EYS: variants seen among roughly 807,000 people sequenced by gnomAD.
EYS encodes EGF-like photoreceptor maintenance factor.
Under a neutral mutation model 282.1 loss-of-function variants are expected in EYS, and 250 were observed. The ratio of observed to expected loss-of-function variants is 0.89; its 90% CI spans 0.80 to 0.98. EYS has a LOEUF of 0.98. Ranked by LOEUF, EYS falls within the 50% of genes least tolerant of loss-of-function variation. The pLI, the probability that EYS is intolerant of heterozygous loss-of-function variation, is 0.00. For synonymous variants in EYS, 1,355 were observed against 1,282.9 expected (o/e 1.06, Z -1.20); for missense variants, 4,016 against 3,709.0 (o/e 1.08, Z -2.15).
At chr6:65,177,506 C>T (rs771669223) in intron 12 of EYS, among the ~76,000 whole-genome samples, 4 of 151,726 alleles carry the variant, frequency 2.6e-5, no homozygotes, top group South Asian at 2.1e-4. Context: ...TTTGTAAACA[C>T]GTTTAGCTAT....
chr6:64,750,420 T>TAAAAAA (rs5876920), intron 22 of EYS, among the ~76,000 whole-genome samples: 4 of 146,974 alleles, frequency 2.7e-5, no homozygotes, highest in African/African-American at 2.5e-5. Flanking sequence ...AGAGGGAAAG[T>TAAAAAA]AAAAAAAAAA....
intron 8 of EYS, among the ~76,000 whole-genome samples, chr6:65,383,461 T>C (rs1196054147): frequency 1.3e-5 from 2 of 151,944 alleles, no homozygotes; most frequent in Admixed American, 1.3e-4. Context: ...TTAGTTCTAC[T>C]TTTTAATTTT....
intron 12 of EYS, among the ~76,000 whole-genome samples, chr6:65,089,944 A>C (rs750086110): frequency 2.1e-4 from 18 of 87,652 alleles, no homozygotes; most frequent in Non-Finnish European, 3.1e-4. Context: ...GCAAGAAAGC[A>C]AAAAAAAAAA....
At chr6:64,632,902 T>C (rs1044662899) in intron 22 of EYS, among the ~76,000 whole-genome samples, 2 of 152,170 alleles carry the variant, frequency 1.3e-5, no homozygotes, top group East Asian at 3.9e-4. Context: ...TATTTTAAAC[T>C]CATTTCATTG....
intron 41 of EYS, among the ~76,000 whole-genome samples, chr6:63,732,555 T>C (rs1768808118): frequency 6.6e-6 from 1 of 152,232 alleles, no homozygotes. Context: ...GAGGTGGACA[T>C]ACCAGTGATT....
intron 33 of EYS, among the ~76,000 whole-genome samples, chr6:64,014,350 CTTAACA>C (rs1296197008): frequency 6.6e-5 from 10 of 151,706 alleles, no homozygotes; most frequent in Non-Finnish European, 1.3e-4. Context: ...ATAAAATTGC[CTTAACA>C]TTAAGTATGT....
chr6:64,724,168 C>G (rs1046621971), intron 22 of EYS, among the ~76,000 whole-genome samples: 1 of 151,934 alleles, frequency 6.6e-6, no homozygotes, highest in East Asian at 1.9e-4. Context: ...CTGATTTAAG[C>G]GATTGTAGGT....
At chr6:64,718,976 C>G (rs1029317942) in intron 22 of EYS, among the ~76,000 whole-genome samples, 2 of 152,018 alleles carry the variant, frequency 1.3e-5, no homozygotes, top group African/African-American at 4.8e-5. Flanking sequence ...CCAGGTAGGC[C>G]CAGTCTAAAT....
At chr6:65,144,601 T>C (rs1764428891) in intron 12 of EYS, among the ~76,000 whole-genome samples, 1 of 152,140 alleles carries the variant, frequency 6.6e-6, no homozygotes, top group Non-Finnish European at 1.5e-5. Flanking sequence ...AGCAAACTTT[T>C]ACAAAAAACT....
At position 64,555,969 on chromosome 6, in the gene EYS, G is replaced by C. The variant is rs527884643; in HGVS notation, c.5644+34254C>G. Among the ~76,000 whole-genome samples, 5 of 151,854 alleles carry C rather than the reference G, an allele frequency of 3.3e-5. No homozygotes were observed. The South Asian group carries it at 1.0e-3, about 32-fold the overall frequency. On this transcript the variant is annotated intron_variant, in intron 26 of 42. Transcript: ENST00000503581. ...ACCACTAGAATAGCAAAAATTAAAA[G>C]AACAAAAACAGACAATAAAAAGTGC...
intron 18 of EYS, among the ~76,000 whole-genome samples, chr6:64,898,018 T>A (rs1767529851): frequency 6.6e-6 from 1 of 152,128 alleles, no homozygotes; most frequent in South Asian, 2.1e-4. Context: ...TGGAACCAAA[T>A]TGGAAAACAC....
chr6:65,250,690 G>A (rs1472510496), intron 12 of EYS, among the ~76,000 whole-genome samples: 1 of 151,668 alleles, frequency 6.6e-6, no homozygotes, highest in East Asian at 1.9e-4. Flanking sequence ...TTCTCATAAT[G>A]AAAAACTTCA....
At position 64,404,420 on chromosome 6, in the gene EYS, C is replaced by T. The variant is rs75678939; in HGVS notation, c.5928-15580G>A. Reference sequence around the variant, plus strand: ...GTGTGTGTGTGTGTGTGTGCACGCACGCGTGTGAGCTTTTAAGAGGAAATA... The same window carrying T: ...GTGTGTGTGTGTGTGTGTGCACGCATGCGTGTGAGCTTTTAAGAGGAAATA... On this transcript the variant is annotated intron_variant, in intron 28 of 42. Transcript: ENST00000503581. 8.4e-3 allele frequency among the ~76,000 whole-genome samples: 1,264 copies of T among 151,078 alleles called. 20 individuals carry two copies. Among genetic ancestry groups the T allele is most frequent in the East Asian group, 0.051 (258 of 5,096 alleles).
intron 36 of EYS, among the ~76,000 whole-genome samples, chr6:63,832,911 C>A (rs993179894): frequency 6.6e-6 from 1 of 152,124 alleles, no homozygotes; most frequent in African/African-American, 2.4e-5. Flanking sequence ...GCTGGTTTGA[C>A]ATAAGCAAAT....
At chr6:63,931,633 T>C (rs985084310) in intron 35 of EYS, among the ~76,000 whole-genome samples, 1 of 152,194 alleles carries the variant, frequency 6.6e-6, no homozygotes, top group Admixed American at 6.6e-5. Flanking sequence ...CATGTTTTTC[T>C]TTTTTTAGTT....
chr6:65,070,051 C>T (rs1773860089), intron 12 of EYS, among the ~76,000 whole-genome samples: 1 of 151,848 alleles, frequency 6.6e-6, no homozygotes, highest in Non-Finnish European at 1.5e-5. Context: ...CCATTTACTT[C>T]AGTAAAAATA....
intron 33 of EYS, among the ~76,000 whole-genome samples, chr6:64,064,346 G>T (rs1262636646): frequency 6.6e-6 from 1 of 152,072 alleles, no homozygotes; most frequent in Non-Finnish European, 1.5e-5. Context: ...AAAACCAGGA[G>T]AAACAGAAAA....
chr6:64,124,758 T>C (rs1172772328), intron 31 of EYS, among the ~76,000 whole-genome samples: 4 of 152,086 alleles, frequency 2.6e-5, no homozygotes, highest in African/African-American at 7.3e-5. Flanking sequence ...TTGTATCATA[T>C]AAATAAAACT....
intron 30 of EYS, among the ~76,000 whole-genome samples, chr6:64,274,692 T>C (rs1768055097): frequency 6.6e-6 from 1 of 152,072 alleles, no homozygotes; most frequent in South Asian, 2.1e-4. Context: ...CCTTAATCCC[T>C]GTCACTCCTA....
Sources: allele counts gnomAD v4.1 joint callset (sites outside exome capture counted in the v4.1 genomes callset), GRCh38; gene constraint gnomAD v4.1.1; transcripts MANE v1.5; gene names NCBI Gene and HGNC (gene_info 2026-07-23, HGNC 2026-07-21).